CNTNAP5: variants seen among roughly 807,000 people sequenced by gnomAD.
CNTNAP5 encodes contactin associated protein family member 5, also known as contactin-associated protein-like 5.
CNTNAP5 carries 72 observed loss-of-function variants against 150.2 expected under a neutral mutation model. The observed-to-expected ratio is 0.48, with a 90% CI of 0.40 to 0.58. The LOEUF is 0.58. CNTNAP5 is among the 20% of genes least tolerant of loss of function. The pLI is 0.00. For synonymous variants in CNTNAP5, 672 were observed against 619.8 expected (o/e 1.08, Z -1.25); for missense variants, 1,636 against 1,626.2 (o/e 1.01, Z -0.10).
intron 3 of CNTNAP5, among the ~76,000 whole-genome samples, chr2:124,350,707 G>A (rs939694192): frequency 2.0e-5 from 3 of 151,796 alleles, no homozygotes; most frequent in Non-Finnish European, 4.4e-5. Flanking sequence ...CAAATTAACA[G>A]AAATTTATTG....
chr2:124,039,242 C>A lies in CNTNAP5; in HGVS notation c.82+13510C>A, dbSNP rs1681303356. ...TTGCATTATCTACCTGCATTCCAGG[C>A]ATTCCCTTGGGACCTCCTCCAAAAA... On this transcript the variant is annotated intron_variant, in intron 1 of 23. Transcript: ENST00000682447. 2.0e-5 allele frequency among the ~76,000 whole-genome samples: 3 copies of A among 152,180 alleles called. No homozygotes were observed. The South Asian group carries it at 6.2e-4, about 32-fold the overall frequency.
intron 5 of CNTNAP5, among the ~76,000 whole-genome samples, chr2:124,437,383 A>T (rs1361528637): frequency 6.6e-6 from 1 of 152,192 alleles, no homozygotes; most frequent in Non-Finnish European, 1.5e-5. Context: ...ATAAGTATAC[A>T]TTAGCCCCCA....
At chr2:124,122,716 C>T (rs547560158) in intron 1 of CNTNAP5, among the ~76,000 whole-genome samples, 84 of 151,594 alleles carry the variant, frequency 5.5e-4, no homozygotes, top group South Asian at 8.3e-4. Context: ...ATCTTCCTGT[C>T]CCAATTTTAC....
chr2:124,102,471 G>A (rs1683085886), intron 1 of CNTNAP5, among the ~76,000 whole-genome samples: 1 of 152,208 alleles, frequency 6.6e-6, no homozygotes, highest in Non-Finnish European at 1.5e-5. Flanking sequence ...CATTGGCTTT[G>A]TAGCCTCACT....
chr2:124,808,294 T>C (rs1558783855), intron 19 of CNTNAP5, among the ~76,000 whole-genome samples: 1 of 152,146 alleles, frequency 6.6e-6, no homozygotes, highest in Non-Finnish European at 1.5e-5. Flanking sequence ...ATCTCTCCCT[T>C]CTTAAACTCC....
intron 8 of CNTNAP5, among the ~76,000 whole-genome samples, chr2:124,516,098 G>A (rs1272782508): frequency 1.3e-5 from 2 of 152,194 alleles, no homozygotes; most frequent in East Asian, 3.9e-4. Flanking sequence ...GAAGGCATAT[G>A]TGAACTCAAT....
chr2:124,142,404 A>T (rs960472582), intron 1 of CNTNAP5, among the ~76,000 whole-genome samples: 6 of 151,988 alleles, frequency 3.9e-5, no homozygotes, highest in African/African-American at 1.2e-4. Context: ...AGCTCTCCTC[A>T]GCAAATCTAA....
intron 1 of CNTNAP5, among the ~76,000 whole-genome samples, chr2:124,124,936 C>A (rs929279985): frequency 6.6e-6 from 1 of 152,150 alleles, no homozygotes; most frequent in Non-Finnish European, 1.5e-5. Context: ...AAAGGAACAA[C>A]CAGTATGAGC....
In CNTNAP5 at chr2:124,025,421, C is replaced by A; in HGVS notation, c.-230C>A. On this transcript the variant is annotated 5_prime_UTR_variant, in exon 1 of 24. Coordinates refer to ENST00000682447, the MANE Select transcript of CNTNAP5 (RefSeq NM_001367498.1). ...GAAGAGGCGGGCGAGGAAGGCGAGT[C>A]CAGCTAGCGGCTGTTGCGGGGACCG... is the stretch of plus-strand genomic sequence containing the variant. 1.7e-6 allele frequency: 1 copy of A among 571,630 alleles called. No homozygotes were observed. Among genetic ancestry groups the A allele is most frequent in the Admixed American group, 3.0e-5 (1 of 33,464 alleles). The allele number at this position is 571,630 out of a possible 1,614,324, so 35.4% of individuals were successfully genotyped here.
chr2:124,525,488 G>T (rs1386226459), intron 9 of CNTNAP5, among the ~76,000 whole-genome samples: 1 of 152,186 alleles, frequency 6.6e-6, no homozygotes, highest in East Asian at 1.9e-4. Flanking sequence ...AAATTGAAGA[G>T]AAGTATTGTA....
intron 13 of CNTNAP5, among the ~76,000 whole-genome samples, chr2:124,668,262 C>G (rs1678741063): frequency 6.6e-6 from 1 of 152,172 alleles, no homozygotes; most frequent in Non-Finnish European, 1.5e-5. Flanking sequence ...CTGCAGGGAG[C>G]AGGCCAAGAG....
chr2:124,552,652 A>C (rs1695653355), intron 10 of CNTNAP5, among the ~76,000 whole-genome samples: 1 of 152,190 alleles, frequency 6.6e-6, no homozygotes, highest in Admixed American at 6.5e-5. Flanking sequence ...TATATCTATA[A>C]ATTTGTGTGT....
At chr2:124,852,603 T>C (rs1206064943) in intron 19 of CNTNAP5, among the ~76,000 whole-genome samples, 1 of 152,206 alleles carries the variant, frequency 6.6e-6, no homozygotes, top group African/African-American at 2.4e-5. Flanking sequence ...TTTTAAGTAG[T>C]GGCATCTGGT....
intron 13 of CNTNAP5, among the ~76,000 whole-genome samples, chr2:124,724,420 G>T (rs574132541): frequency 4.5e-4 from 68 of 152,186 alleles, no homozygotes; most frequent in African/African-American, 1.5e-3. Context: ...TCTGGAAACT[G>T]GCACTTCAAC....
At chr2:124,536,226 A>G (rs12711679) in intron 10 of CNTNAP5, among the ~76,000 whole-genome samples, 43,099 of 151,876 alleles carry the variant, frequency 0.28, 6,625 homozygotes, top group East Asian at 0.52. Flanking sequence ...CACAGAGGGG[A>G]AAAAAAGTTA....
chr2:124,533,579 G>A (rs1195504689), intron 10 of CNTNAP5, among the ~76,000 whole-genome samples: 1 of 152,088 alleles, frequency 6.6e-6, no homozygotes, highest in Admixed American at 6.5e-5. Flanking sequence ...CTACTCTTCT[G>A]GCCAGAGTCT....
rs190150418 is a variant in CNTNAP5 at position 124,573,002 on chromosome 2, C to A, written c.1756+9679C>A. Among the ~76,000 whole-genome samples the A allele has an allele frequency of 4.2e-3, 645 of 152,264 alleles. 2 individuals carry two copies. Among genetic ancestry groups the A allele is most frequent in the Non-Finnish European group, 6.4e-3 (435 of 68,022 alleles). ...TATGCATTTCTCCTTGCATATTTGG[C>A]ACCTAGTTACACATAGTAGACAATC... On this transcript the variant is annotated intron_variant, in intron 11 of 23. Coordinates refer to ENST00000682447, the MANE Select transcript of CNTNAP5 (RefSeq NM_001367498.1).
At chr2:124,507,698 C>CAGTTT (rs1694445976) in intron 8 of CNTNAP5, among the ~76,000 whole-genome samples, 4 of 152,274 alleles carry the variant, frequency 2.6e-5, no homozygotes, top group Admixed American at 2.6e-4. Flanking sequence ...TTACAGAAAG[C>CAGTTT]CTTGTTGTAG....
chr2:124,156,683 C>T (rs531377797), intron 1 of CNTNAP5, among the ~76,000 whole-genome samples: 9 of 152,136 alleles, frequency 5.9e-5, no homozygotes, highest in African/African-American at 1.2e-4. Flanking sequence ...TTAGTAGAGA[C>T]GGGGTTTCTC....
Sources: allele counts gnomAD v4.1 joint callset (sites outside exome capture counted in the v4.1 genomes callset), GRCh38; gene constraint gnomAD v4.1.1; transcripts MANE v1.5; gene names NCBI Gene and HGNC (gene_info 2026-07-23, HGNC 2026-07-21).